The following CARD8 variants were observed in gnomAD, a reference collection of about 807,000 sequenced individuals.
The protein encoded by CARD8 is caspase recruitment domain family member 8.
In CARD8, 38 loss-of-function variants were observed where a neutral mutation model predicts 53.2. The observed-to-expected ratio is 0.71, with a 90% confidence interval of 0.55 to 0.94. CARD8 has a LOEUF of 0.94. CARD8 is among the 40% of genes least tolerant of loss of function. The probability of loss-of-function intolerance (pLI) is 0.00; values close to 1 mark genes in which losing one functional copy is unlikely to be tolerated. For synonymous variants in CARD8, 245 were observed against 244.9 expected (o/e 1.00, Z 0.00); for missense variants, 561 against 655.5 (o/e 0.86, Z 1.57).
At chr19:48,237,321 G>C (rs2044076616) in intron 5 of CARD8, among the ~76,000 whole-genome samples, 1 of 151,856 alleles carries the variant, frequency 6.6e-6, no homozygotes, top group Non-Finnish European at 1.5e-5. Flanking sequence ...TAAAGAACCA[G>C]ATCTTGCATG....
Position 48,232,506 on chromosome 19 carries a change from A to G in CARD8, c.351-13T>C, listed in dbSNP as rs1345017115. On this transcript the variant is annotated splice_polypyrimidine_tract_variant and intron_variant, in intron 6 of 13. Transcript: ENST00000651546. Reference sequence around the variant, plus strand: ...CTCTTCTGATACACTGGAGGTTGGGATCCCCATGTTACAAAAAGATGAAAA... The same window carrying G: ...CTCTTCTGATACACTGGAGGTTGGGGTCCCCATGTTACAAAAAGATGAAAA... The G allele has an allele frequency of 1.3e-6, 2 of 1,534,868 alleles. No individual in the cohort carries two copies. The highest frequency in any genetic ancestry group is 4.9e-5 in the East Asian group (2 of 40,930).
chr19:48,227,651 G>C (rs933105070), intron 10 of CARD8, among the ~76,000 whole-genome samples: 1 of 151,730 alleles, frequency 6.6e-6, no homozygotes, highest in Non-Finnish European at 1.5e-5. Flanking sequence ...AAAAATACAA[G>C]AATTAGCCAG....
chr19:48,212,463 CA>C (rs1568629071), intron 13 of CARD8, among the ~76,000 whole-genome samples: 2 of 152,184 alleles, frequency 1.3e-5, no homozygotes, highest in African/African-American at 4.8e-5. Flanking sequence ...AAAGGAAGAA[CA>C]GGGGAAAAGA....
At chr19:48,239,232 C>T (rs1168347789) in intron 4 of CARD8, among the ~76,000 whole-genome samples, 1 of 152,224 alleles carries the variant, frequency 6.6e-6, no homozygotes, top group Non-Finnish European at 1.5e-5. Flanking sequence ...CTGCCTTTCA[C>T]AGACATCACT....
downstream of CARD8, chr19:48,206,436 AT>A: frequency 2.2e-6 from 1 of 458,914 alleles, no homozygotes. Flanking sequence ...GATAACAGGG[AT>A]TTAGGGTAAC....
downstream of CARD8, chr19:48,203,862 T>C (rs925693992): frequency 5.3e-5 from 13 of 247,576 alleles, no homozygotes; most frequent in Non-Finnish European, 9.9e-5. Flanking sequence ...AGCTCACCCA[T>C]TGGCCACCTG....
downstream of CARD8, among the ~76,000 whole-genome samples, chr19:48,207,747 T>G (rs1179273980): frequency 7.2e-6 from 1 of 139,808 alleles, no homozygotes. Context: ...TTTTTTTTTT[T>G]TTTTTTGAGA....
downstream of CARD8, among the ~76,000 whole-genome samples, chr19:48,205,242 G>A (rs941318597): frequency 6.6e-6 from 1 of 152,074 alleles, no homozygotes; most frequent in Admixed American, 6.6e-5. Flanking sequence ...TTGTTTGCTT[G>A]TTTTTGAGAT....
intron 13 of CARD8, among the ~76,000 whole-genome samples, chr19:48,212,293 A>G (rs916510688): frequency 1.3e-5 from 2 of 152,226 alleles, no homozygotes; most frequent in South Asian, 4.1e-4. Flanking sequence ...ACATTTATAT[A>G]TAAATCCCTC....
At chr19:48,212,214 T>G (rs2038132805) in intron 13 of CARD8, among the ~76,000 whole-genome samples, 1 of 152,238 alleles carries the variant, frequency 6.6e-6, no homozygotes, top group South Asian at 2.1e-4. Context: ...ATCCATTTCT[T>G]GAAGCCTGTT....
Position 48,220,436 on chromosome 19 carries a change from T to C in CARD8, c.1161+1294A>G, listed in dbSNP as rs375642773. ...AAGGTCCGCAAACAGGAAAAAGCCA[T>C]CTACGCCAAAACAATAACATTGGTC... On this transcript the variant is annotated intron_variant, in intron 11 of 13. Coordinates refer to ENST00000651546, the MANE Select transcript of CARD8 (RefSeq NM_001184900.3). 9.5e-5 allele frequency among the ~76,000 whole-genome samples: 14 copies of C among 147,826 alleles called. 1 individual carries two copies. The East Asian group carries it at 2.2e-3, about 23-fold the overall frequency.
At chr19:48,238,559 T>A (rs1015150862) in intron 4 of CARD8, 27 bp from the exon 5 acceptor site, 6 of 1,535,672 alleles carry the variant, frequency 3.9e-6, no homozygotes, top group East Asian at 4.9e-5. Context: ...GGAATTGGAA[T>A]GTGAGCATGT....
intron 10 of CARD8, among the ~76,000 whole-genome samples, chr19:48,225,523 G>C (rs1231532245): frequency 6.6e-6 from 1 of 152,062 alleles, no homozygotes; most frequent in Non-Finnish European, 1.5e-5. Flanking sequence ...GGATGGACCA[G>C]ACTAGAGGGC....
chr19:48,241,286 A>T lies in CARD8; in HGVS notation c.-43-223T>A, dbSNP rs145972856. On this transcript the variant is annotated intron_variant, in intron 3 of 13. Transcript: ENST00000651546. ...CTTCCTTTTTTTTTAGATGGAGTCT[A>T]GCTCTGTCACCCAGGCTGGAGTGCA... 6.8e-3 allele frequency among the ~76,000 whole-genome samples: 1,031 copies of T among 152,188 alleles called. 14 individuals carry two copies. Among genetic ancestry groups the T allele is most frequent in the African/African-American group, 0.023 (976 of 41,536 alleles).
rs2037487878 is a variant in CARD8 at position 48,208,089 on chromosome 19, G to A, written c.*3621C>T. 6.7e-6 allele frequency: 1 copy of A among 149,556 alleles called. No homozygotes were observed. The highest frequency in any genetic ancestry group is 1.5e-5 in the Non-Finnish European group (1 of 67,468). The allele number at this position is 149,556 out of a possible 1,614,324, so 9.3% of individuals were successfully genotyped here. ...AAATCAATTTAACTTCTAAAAATGT[G>A]TGCCTTTTTGTTTTAATAACATTAA... is the stretch of plus-strand genomic sequence containing the variant. On this transcript the variant is annotated 3_prime_UTR_variant, in exon 14 of 14. Transcript: ENST00000651546.
rs2037785744 is a variant in CARD8 at position 48,210,400 on chromosome 19, G to A, written c.*1310C>T. The A allele has an allele frequency of 2.0e-5, 3 of 152,082 alleles. No homozygotes were observed. The highest frequency in any genetic ancestry group is 6.6e-5 in the Admixed American group (1 of 15,260). The allele number at this position is 152,082 out of a possible 1,614,324, so 9.4% of individuals were successfully genotyped here. A position where few individuals can be genotyped will look rare whatever the true frequency, so the allele number is the denominator to read the frequency against. Reference sequence around the variant, plus strand: ...GAACGAAATTTGGAAAATAATGAAGGAAGAGCAACAGAAATGGTAAATATC... The same window carrying A: ...GAACGAAATTTGGAAAATAATGAAGAAAGAGCAACAGAAATGGTAAATATC... On this transcript the variant is annotated 3_prime_UTR_variant, in exon 14 of 14. Coordinates refer to ENST00000651546, the MANE Select transcript of CARD8 (RefSeq NM_001184900.3).
downstream of CARD8, among the ~76,000 whole-genome samples, chr19:48,207,738 T>TTTTTTTTTTGTTTG (rs1568595698): frequency 1.1e-5 from 1 of 90,688 alleles, no homozygotes; most frequent in Admixed American, 1.1e-4. Context: ...TTTTCTGTTT[T>TTTTTTTTTTGTTTG]TTTTTTTTTT....
intron 8 of CARD8, 82 bp from the exon 9 acceptor site, chr19:48,231,088 T>C: frequency 8.5e-7 from 1 of 1,174,006 alleles, no homozygotes; most frequent in Non-Finnish European, 1.2e-6. Flanking sequence ...GAGGTGGGAT[T>C]TGAAGTGAGG....
intron 1 of CARD8, among the ~76,000 whole-genome samples, chr19:48,250,602 T>C (rs960854101): frequency 1.3e-5 from 2 of 152,220 alleles, no homozygotes; most frequent in Non-Finnish European, 2.9e-5. Context: ...TAATTAAGAT[T>C]TGATGTCCCC....
Sources: allele counts gnomAD v4.1 joint callset (sites outside exome capture counted in the v4.1 genomes callset), GRCh38; gene constraint gnomAD v4.1.1; transcripts MANE v1.5; gene names NCBI Gene and HGNC (gene_info 2026-07-23, HGNC 2026-07-21).